The following FAM117A variants were observed in gnomAD, a reference collection of about 807,000 sequenced individuals.
FAM117A encodes protein FAM117A.
A neutral mutation model predicts 44.1 loss-of-function variants in FAM117A; 21 were observed. The observed-to-expected ratio is 0.48, with a 90% CI of 0.34 to 0.69. The LOEUF (loss-of-function observed/expected upper bound fraction) is 0.69, where lower values mean the gene tolerates loss of function less well. Among genes scored for constraint, FAM117A ranks in the 30% least tolerant of loss-of-function variants. FAM117A has a pLI of 0.01. For synonymous variants in FAM117A, 220 were observed against 238.3 expected (o/e 0.92, Z 0.71); for missense variants, 498 against 589.9 (o/e 0.84, Z 1.61).
In FAM117A at chr17:49,781,375, CACTT is replaced by C. The variant is rs1021409144; in HGVS notation, c.-621+7118_-621+7121del. Among the ~76,000 whole-genome samples, 4 of 152,146 alleles carry C rather than the reference CACTT, an allele frequency of 2.6e-5. No individual in the cohort carries two copies. The East Asian group carries it at 5.8e-4, about 22-fold the overall frequency. ...TGACAAGATTTTTAAAAAGTGGTAA[CACTT>C]AGTTCTGGAAACAATGACTTAAATT... On this transcript the variant is annotated intron_variant, in intron 1 of 7. Coordinates refer to the FAM117A transcript ENST00000513602.
At chr17:49,753,114 C>T (rs747134601) in intron 1 of FAM117A, among the ~76,000 whole-genome samples, 11 of 152,254 alleles carry the variant, frequency 7.2e-5, no homozygotes, top group African/African-American at 1.7e-4. Flanking sequence ...CTGCCCGCCT[C>T]GGCCTCCCAA....
intron 2 of FAM117A, among the ~76,000 whole-genome samples, chr17:49,723,666 G>A (rs2073545726): frequency 6.6e-6 from 1 of 152,040 alleles, no homozygotes; most frequent in East Asian, 1.9e-4. Flanking sequence ...GGGGGAGGAC[G>A]GGGAAAAAAA....
chr17:49,787,297 T>C (rs2073817922), intron 1 of FAM117A, among the ~76,000 whole-genome samples: 1 of 152,150 alleles, frequency 6.6e-6, no homozygotes, highest in Non-Finnish European at 1.5e-5. Flanking sequence ...GCTTAAGTGG[T>C]GAGAAGTAAT....
chr17:49,782,118 G>A (rs1437867914), intron 1 of FAM117A, among the ~76,000 whole-genome samples: 1 of 152,152 alleles, frequency 6.6e-6, no homozygotes, highest in Non-Finnish European at 1.5e-5. Flanking sequence ...GCTCACGCCT[G>A]TAATCCCAGC....
chr17:49,721,489 A>C (rs2073533905), intron 3 of FAM117A, among the ~76,000 whole-genome samples: 1 of 152,212 alleles, frequency 6.6e-6, no homozygotes, highest in Non-Finnish European at 1.5e-5. Context: ...ACCATTGAAA[A>C]GTTTAAATAT....
At chr17:49,737,583 C>T (rs1407678704) in intron 1 of FAM117A, among the ~76,000 whole-genome samples, 2 of 152,182 alleles carry the variant, frequency 1.3e-5, no homozygotes, top group African/African-American at 4.8e-5. Context: ...GCTGCTTCTC[C>T]CATGCCCTCA....
chr17:49,729,597 C>A (rs1490935524), intron 2 of FAM117A, among the ~76,000 whole-genome samples: 3 of 150,522 alleles, frequency 2.0e-5, no homozygotes, highest in Non-Finnish European at 4.4e-5. Context: ...ACCTCTGCCT[C>A]CGGGTTCAAG....
chr17:49,725,776 G>A (rs1182615408), intron 2 of FAM117A, among the ~76,000 whole-genome samples: 2 of 152,230 alleles, frequency 1.3e-5, no homozygotes, highest in African/African-American at 2.4e-5. Flanking sequence ...GTATAGTAAC[G>A]TTTTTGCAGA....
chr17:49,753,419 T>C lies in FAM117A; in HGVS notation c.196+10473A>G, dbSNP rs189523596. On this transcript the variant is annotated intron_variant, in intron 1 of 7. Coordinates refer to ENST00000240364, the MANE Select transcript of FAM117A (RefSeq NM_030802.4). Reference sequence around the variant, plus strand: ...TCAGTTTCCTTATCTGCAAAAACAATGAAATGCCACCTGCACCTGCAGGAC... The same window carrying C: ...TCAGTTTCCTTATCTGCAAAAACAACGAAATGCCACCTGCACCTGCAGGAC... Among the ~76,000 whole-genome samples, 101 of 152,294 alleles carry C rather than the reference T, an allele frequency of 6.6e-4. 1 individual carries two copies. The highest frequency in any genetic ancestry group is 6.1e-3 in the Admixed American group (94 of 15,294).
chr17:49,773,092 T>A (rs1241547807), intron 1 of FAM117A, among the ~76,000 whole-genome samples: 1 of 151,430 alleles, frequency 6.6e-6, no homozygotes, highest in Non-Finnish European at 1.5e-5. Flanking sequence ...GATCACAAGG[T>A]CAGGAATTCA....
intron 6 of FAM117A, 104 bp from the exon 7 acceptor site, chr17:49,716,419 A>G (rs1843934639): frequency 2.0e-6 from 2 of 1,018,608 alleles, no homozygotes; most frequent in Non-Finnish European, 1.4e-6. Context: ...GACACATGGT[A>G]AGGAAGAGGG....
At chr17:49,783,916 G>A (rs924780720) in intron 1 of FAM117A, among the ~76,000 whole-genome samples, 7 of 152,204 alleles carry the variant, frequency 4.6e-5, no homozygotes, top group African/African-American at 9.6e-5. Context: ...AGGCTTAGAG[G>A]AGAGAGCATG....
intron 1 of FAM117A, among the ~76,000 whole-genome samples, chr17:49,756,822 A>G (rs556908929): frequency 6.6e-6 from 1 of 151,734 alleles, no homozygotes; most frequent in African/African-American, 2.4e-5. Flanking sequence ...AGGCTGAGGC[A>G]GGAGAATTGC....
intron 1 of FAM117A, chr17:49,773,465 C>CAAAAAAAA (rs969807260): frequency 1.5e-5 from 1 of 64,612 alleles, no homozygotes. Context: ...AGACTCCAAC[C>CAAAAAAAA]AAAAAAAAAA....
intron 2 of FAM117A, among the ~76,000 whole-genome samples, chr17:49,725,524 A>G (rs143438423): frequency 2.8e-4 from 42 of 152,376 alleles, no homozygotes; most frequent in South Asian, 6.2e-4. Context: ...GAGGCCCCCA[A>G]TGAAAAAGTA....
At chr17:49,736,971 G>C (rs1309648910) in intron 1 of FAM117A, among the ~76,000 whole-genome samples, 1 of 152,214 alleles carries the variant, frequency 6.6e-6, no homozygotes, top group Non-Finnish European at 1.5e-5. Context: ...CAATTGGCAG[G>C]CATCTAATAT....
chr17:49,773,465 CA>C (rs969807260), intron 1 of FAM117A: 264 of 64,566 alleles, frequency 4.1e-3, no homozygotes, highest in African/African-American at 5.6e-3. Context: ...AGACTCCAAC[CA>C]AAAAAAAAAA....
intron 5 of FAM117A, among the ~76,000 whole-genome samples, chr17:49,718,832 C>T (rs2073518329): frequency 6.7e-6 from 1 of 149,616 alleles, no homozygotes; most frequent in Middle Eastern, 3.4e-3. Flanking sequence ...AAAAAATTAC[C>T]TGGGCATGGT....
At chr17:49,721,590 T>C (rs1025662128) in intron 3 of FAM117A, among the ~76,000 whole-genome samples, 23 of 152,232 alleles carry the variant, frequency 1.5e-4, no homozygotes, top group Admixed American at 1.5e-3. Flanking sequence ...CAACTTCCTC[T>C]TGTAAAGGCG....
Sources: gnomAD v4.1 joint callset for allele counts (sites outside exome capture counted in the v4.1 genomes callset) on GRCh38, gnomAD v4.1.1 for gene constraint, MANE v1.5 for transcripts, NCBI Gene and HGNC (gene_info 2026-07-23, HGNC 2026-07-21) for gene names.